Variants in EPHA5 observed in about 807,000 individuals in gnomAD.
EPHA5 encodes the protein EPH receptor A5, also known as ephrin type-A receptor 5.
EPHA5 carries 60 observed loss-of-function variants against 105.0 expected under a neutral mutation model. That is an observed-to-expected ratio of 0.57 (90% CI 0.46 to 0.71). The LOEUF is 0.71. Among genes scored for constraint, EPHA5 ranks in the 30% least tolerant of loss-of-function variants. EPHA5 has a pLI of 0.00. For missense variants in EPHA5, 1,218 were observed against 1,274.7 expected, an observed-to-expected ratio of 0.96 and a Z score of 0.68; for synonymous variants, 513 against 449.1, an observed-to-expected ratio of 1.14 and a Z score of -1.80.
chr4:65,484,875 A>T (rs1345437881), intron 5 of EPHA5, among the ~76,000 whole-genome samples: 1 of 152,092 alleles, frequency 6.6e-6, no homozygotes, highest in African/African-American at 2.4e-5. Flanking sequence ...AAAATTTTAC[A>T]CTATGAGTTG....
At chr4:65,483,649 G>A (rs376590066) in intron 5 of EPHA5, among the ~76,000 whole-genome samples, 17 of 152,108 alleles carry the variant, frequency 1.1e-4, no homozygotes, top group South Asian at 8.3e-4. Context: ...AAAAATTTGC[G>A]TAAGTAGAAG....
chr4:65,502,329 G>GA (rs969292609), intron 3 of EPHA5, among the ~76,000 whole-genome samples: 26 of 150,482 alleles, frequency 1.7e-4, no homozygotes, highest in South Asian at 1.0e-3. Flanking sequence ...CCTGCAGAAT[G>GA]AAAAAAAATT....
intron 3 of EPHA5, among the ~76,000 whole-genome samples, chr4:65,503,807 A>T (rs1333512668): frequency 6.6e-6 from 1 of 151,654 alleles, no homozygotes; most frequent in Non-Finnish European, 1.5e-5. Context: ...ATTACCCGTC[A>T]CATATTTAGA....
At chr4:65,663,482 A>C (rs1749712679) in intron 1 of EPHA5, among the ~76,000 whole-genome samples, 1 of 152,212 alleles carries the variant, frequency 6.6e-6, no homozygotes, top group East Asian at 1.9e-4. Flanking sequence ...ATAAAAAACA[A>C]AAAACAAGAC....
intron 8 of EPHA5, among the ~76,000 whole-genome samples, chr4:65,384,531 T>G (rs1279862588): frequency 1.3e-5 from 2 of 151,824 alleles, no homozygotes; most frequent in Non-Finnish European, 2.9e-5. Flanking sequence ...ATTTCCAGCT[T>G]CAATATGCCA....
intron 5 of EPHA5, among the ~76,000 whole-genome samples, chr4:65,464,784 A>T (rs1438335982): frequency 1.3e-5 from 2 of 152,128 alleles, no homozygotes; most frequent in Non-Finnish European, 2.9e-5. Context: ...TAAAATTAAA[A>T]ATACGAATTT....
chr4:65,579,081 T>C (rs1248145502), intron 3 of EPHA5, among the ~76,000 whole-genome samples: 20 of 152,066 alleles, frequency 1.3e-4, no homozygotes, highest in Non-Finnish European at 2.5e-4. Context: ...ATATGAAGAT[T>C]ACTTTTATAG....
At chr4:65,534,371 A>G (rs1736100339) in intron 3 of EPHA5, among the ~76,000 whole-genome samples, 1 of 152,220 alleles carries the variant, frequency 6.6e-6, no homozygotes. Context: ...AATTAAGAAT[A>G]TGTGGGAGAA....
At chr4:65,559,515 A>G (rs1180851213) in intron 3 of EPHA5, among the ~76,000 whole-genome samples, 1 of 152,122 alleles carries the variant, frequency 6.6e-6, no homozygotes, top group East Asian at 1.9e-4. Flanking sequence ...CCTTCTCCCA[A>G]CAGCAACTTT....
rs770248599 is a variant in EPHA5 at position 65,320,558 on chromosome 4, C to A, written c.*3556G>T. 3.5e-5 allele frequency: 8 copies of A among 229,282 alleles called. No individual in the cohort carries two copies. The highest frequency in any genetic ancestry group is 6.1e-5 in the Non-Finnish European group (7 of 115,612). The allele number at this position is 229,282 out of a possible 1,614,324, so 14.2% of individuals were successfully genotyped here. On this transcript the variant is annotated 3_prime_UTR_variant, in exon 17 of 17. Coordinates refer to ENST00000613740, the MANE Select transcript of EPHA5 (RefSeq NM_001281766.3). ...CTCAAATAGTGTTTGCCATCCAATG[C>A]ACTTTTATAGCCAAAAATGTCTTCA...
At chr4:65,401,569 G>A (rs190589504) in intron 8 of EPHA5, among the ~76,000 whole-genome samples, 72 of 152,212 alleles carry the variant, frequency 4.7e-4, no homozygotes, top group African/African-American at 1.7e-3. Flanking sequence ...ATAAGCCTCA[G>A]ATTCGTTTTT....
intron 15 of EPHA5, among the ~76,000 whole-genome samples, chr4:65,334,254 A>C (rs575388549): frequency 6.6e-6 from 1 of 152,090 alleles, no homozygotes; most frequent in South Asian, 2.1e-4. Flanking sequence ...CATGACCCAG[A>C]GTATAAAGGT....
At chr4:65,618,178 T>A (rs78485843) in intron 2 of EPHA5, among the ~76,000 whole-genome samples, 2 of 152,132 alleles carry the variant, frequency 1.3e-5, no homozygotes, top group African/African-American at 4.8e-5. Flanking sequence ...AGAGCCCCAA[T>A]GACCTCAGTT....
In EPHA5 at chr4:65,480,358, C is replaced by A. The variant is rs570562064; in HGVS notation, c.1402+10019G>T. On this transcript the variant is annotated intron_variant, in intron 5 of 16. Transcript: ENST00000613740. ...AGCTCTGGTAGGGAAGCCTGTCTTT[C>A]CAACAAAAATATCAGAATTCAAAAA... Among the ~76,000 whole-genome samples, 4 of 152,230 alleles carry A rather than the reference C, an allele frequency of 2.6e-5. No homozygotes were observed. In the East Asian group the frequency reaches 7.7e-4, roughly 29 times the overall value.
At chr4:65,644,975 G>A (rs1256269793) in intron 1 of EPHA5, among the ~76,000 whole-genome samples, 4 of 151,760 alleles carry the variant, frequency 2.6e-5, no homozygotes, top group African/African-American at 9.7e-5. Flanking sequence ...AATCATACTG[G>A]TTTTAAGGAA....
At chr4:65,374,793 A>C (rs1321113570) in intron 8 of EPHA5, among the ~76,000 whole-genome samples, 2 of 151,954 alleles carry the variant, frequency 1.3e-5, no homozygotes, top group Non-Finnish European at 2.9e-5. Context: ...AAAACTGTAA[A>C]TGTGTCTCTT....
chr4:65,604,885 T>C (rs1197708054), intron 2 of EPHA5, among the ~76,000 whole-genome samples: 1 of 152,184 alleles, frequency 6.6e-6, no homozygotes, highest in Non-Finnish European at 1.5e-5. Flanking sequence ...TTTCTGTTCA[T>C]TTTTGTTGGA....
rs1246100311 is a variant in EPHA5 at position 65,319,864 on chromosome 4, T to A, written c.*4250A>T. The A allele has an allele frequency of 3.0e-5, 7 of 229,814 alleles. No homozygotes were observed. Among genetic ancestry groups the A allele is most frequent in the Admixed American group, 1.7e-4 (3 of 17,618 alleles). 14.2% of individuals were successfully genotyped at this position (229,814 alleles called of 1,614,324 possible). A position where few individuals can be genotyped will look rare whatever the true frequency, so the allele number is the denominator to read the frequency against. ...GCTCTTATAAATGTAACTACTCACTTTTAAATAATTGACTGTAAAACTACA... is the reference window on the plus strand; with the variant it reads ...GCTCTTATAAATGTAACTACTCACTATTAAATAATTGACTGTAAAACTACA... On this transcript the variant is annotated 3_prime_UTR_variant, in exon 17 of 17. Transcript: ENST00000613740.
At chr4:65,603,073 C>A (rs1743897059) in intron 2 of EPHA5, among the ~76,000 whole-genome samples, 2 of 152,016 alleles carry the variant, frequency 1.3e-5, no homozygotes, top group African/African-American at 4.8e-5. Context: ...GTTGGGACCC[C>A]ATTAATTCTT....
Sources: gnomAD v4.1 joint callset for allele counts (sites outside exome capture counted in the v4.1 genomes callset) on GRCh38, gnomAD v4.1.1 for gene constraint, MANE v1.5 for transcripts, NCBI Gene and HGNC (gene_info 2026-07-23, HGNC 2026-07-21) for gene names.